Variants in MMP26 observed in about 807,000 individuals in gnomAD.
MMP26 encodes matrix metallopeptidase 26, also known as matrix metalloproteinase-26.
MMP26 carries 33 observed loss-of-function variants against 31.0 expected under a neutral mutation model. That is an observed-to-expected ratio of 1.06 (90% CI 0.81 to 1.42). The LOEUF (loss-of-function observed/expected upper bound fraction) is 1.42, where lower values mean the gene tolerates loss of function less well. MMP26 is among the 40% of genes most tolerant of loss of function. The pLI is 0.00. For missense variants in MMP26, 347 were observed against 316.1 expected, an observed-to-expected ratio of 1.10 and a Z score of -0.74; for synonymous variants, 122 against 114.9, an observed-to-expected ratio of 1.06 and a Z score of -0.40.
intron 2 of MMP26, among the ~76,000 whole-genome samples, chr11:4,784,049 A>G (rs781086480): frequency 1.6e-4 from 24 of 152,210 alleles, no homozygotes; most frequent in Non-Finnish European, 3.2e-4. Flanking sequence ...ATTGCTCACA[A>G]CTCTGAAGTG....
chr11:4,959,172 A>C (rs1260701593), intron 2 of MMP26, among the ~76,000 whole-genome samples: 2 of 137,032 alleles, frequency 1.5e-5, no homozygotes, highest in Non-Finnish European at 3.1e-5. Context: ...CGGGAGGCGG[A>C]GCTTGCAGTG....
rs1849216152 is a variant in MMP26, at chr11:4,803,662, G to T, written c.-145+36321G>T. 4 of 1,613,918 alleles carry T rather than the reference G, an allele frequency of 2.5e-6. No homozygotes were observed. In the African/African-American group the frequency reaches 4.0e-5, roughly 16 times the overall value. On this transcript the variant is annotated intron_variant, in intron 2 of 7. Transcript: ENST00000380390. ...GATATGGGAGGAACGTGTGCTAAAA[G>T]CTTTGAGGCGGGCTTCACCTGAGGG... is the stretch of plus-strand genomic sequence containing the variant.
intron 2 of MMP26, among the ~76,000 whole-genome samples, chr11:4,777,972 AGTG>A (rs1848810427): frequency 6.6e-6 from 1 of 152,048 alleles, no homozygotes; most frequent in South Asian, 2.1e-4. Context: ...TATACCTGAG[AGTG>A]GAATTGTTGG....
chr11:4,945,989 A>G (rs1192663891), intron 2 of MMP26: 3 of 663,094 alleles, frequency 4.5e-6, no homozygotes, highest in Non-Finnish European at 7.8e-6. Context: ...AAGGCAACGT[A>G]CTTCCTGTTT....
chr11:4,803,304 G>A, intron 2 of MMP26: 1 of 651,574 alleles, frequency 1.5e-6, no homozygotes, highest in Non-Finnish European at 2.6e-6. Flanking sequence ...CCTCTAGAGG[G>A]TTGCTTACCT....
At chr11:4,911,453 G>A (rs1040037802) in intron 2 of MMP26, among the ~76,000 whole-genome samples, 1 of 152,120 alleles carries the variant, frequency 6.6e-6, no homozygotes, top group African/African-American at 2.4e-5. Flanking sequence ...AAATTGATCA[G>A]TGAGTGTTGA....
At chr11:4,850,922 A>T (rs1166921026) in intron 2 of MMP26, among the ~76,000 whole-genome samples, 1 of 150,112 alleles carries the variant, frequency 6.7e-6, no homozygotes, top group East Asian at 2.0e-4. Context: ...TTTTTTAATA[A>T]AATATAACTT....
rs201446469 is a variant in MMP26 at position 4,974,377 on chromosome 11, AAT to A, written c.-144-13686_-144-13685del. On this transcript the variant is annotated intron_variant, in intron 2 of 7. Transcript: ENST00000380390. ...AACATTTACATAAAATTCAAAAAAA[AAT>A]ATATGTATATAGTGTCTTCGTTGTA... 7.9e-3 allele frequency among the ~76,000 whole-genome samples: 1,200 copies of A among 152,128 alleles called. 38 individuals carry two copies. Among genetic ancestry groups the A allele is most frequent in the East Asian group, 0.025 (128 of 5,180 alleles).
intron 2 of MMP26, among the ~76,000 whole-genome samples, chr11:4,883,942 A>G (rs1214585143): frequency 6.6e-5 from 10 of 151,852 alleles, no homozygotes; most frequent in Admixed American, 6.6e-4. Context: ...GATTTGAGCC[A>G]CCTCTCTCCT....
chr11:4,873,922 A>T (rs997711462), intron 2 of MMP26, among the ~76,000 whole-genome samples: 2 of 152,076 alleles, frequency 1.3e-5, no homozygotes, highest in Admixed American at 6.6e-5. Flanking sequence ...TTCTTTTCAA[A>T]TTTCCTAAAC....
rs574388676 is a variant in MMP26 at position 4,826,260 on chromosome 11, G to A, written c.-145+58919G>A. On this transcript the variant is annotated intron_variant, in intron 2 of 7. Transcript: ENST00000380390. Reference sequence around the variant, plus strand: ...GCTGTACCTGGGAGCTGGAAAGACTGTTCTTTCTAGGAGTATAATGCGTTT... The same window carrying A: ...GCTGTACCTGGGAGCTGGAAAGACTATTCTTTCTAGGAGTATAATGCGTTT... Among the ~76,000 whole-genome samples, 428 of 152,196 alleles carry A rather than the reference G, an allele frequency of 2.8e-3. 3 individuals carry two copies. Among genetic ancestry groups the A allele is most frequent in the African/African-American group, 0.01 (416 of 41,510 alleles).
At position 4,730,213 on chromosome 11, in the gene MMP26, A is replaced by G. The variant is rs374163303; in HGVS notation, c.-217+25168A>G. 1.2e-4 allele frequency among the ~76,000 whole-genome samples: 19 copies of G among 152,272 alleles called. No individual in the cohort carries two copies. In the East Asian group the frequency reaches 2.5e-3, roughly 20 times the overall value. On this transcript the variant is annotated intron_variant, in intron 1 of 7. Coordinates refer to ENST00000380390, the MANE Select transcript of MMP26 (RefSeq NM_021801.5). Reference sequence around the variant, plus strand: ...AGATATGGGACATACGAGGTGCCCCAGTGAAACCTCTGAGTTCCAGATATA... The same window carrying G: ...AGATATGGGACATACGAGGTGCCCCGGTGAAACCTCTGAGTTCCAGATATA...
chr11:4,923,995 T>C (rs1851228195), intron 2 of MMP26: 24 of 1,614,104 alleles, frequency 1.5e-5, no homozygotes, highest in Non-Finnish European at 2.0e-5. Context: ...ATAACAGAAC[T>C]GATGACTCCA....
In MMP26 at chr11:4,774,007, TA is replaced by T. The variant is rs1848760015; in HGVS notation, c.-145+6667del. Among the ~76,000 whole-genome samples the T allele has an allele frequency of 2.0e-5, 3 of 152,370 alleles. No individual in the cohort carries two copies. In the South Asian group the frequency reaches 6.2e-4, roughly 32 times the overall value. ...TAACTGCATAGTACTCCATGGTTTA[TA>T]TGTACCACATTTTCTTTATCCAGTC... On this transcript the variant is annotated intron_variant, in intron 2 of 7. Coordinates refer to ENST00000380390, the MANE Select transcript of MMP26 (RefSeq NM_021801.5).
intron 1 of MMP26, among the ~76,000 whole-genome samples, chr11:4,763,839 G>C (rs1848596734): frequency 6.6e-6 from 1 of 152,064 alleles, no homozygotes; most frequent in Non-Finnish European, 1.5e-5. Flanking sequence ...ATAATTATTA[G>C]TTATCTTAAA....
intron 2 of MMP26, chr11:4,804,484 A>G (rs761558249): frequency 4.6e-6 from 4 of 868,548 alleles, no homozygotes; most frequent in Non-Finnish European, 6.0e-6. Flanking sequence ...GGATGGGACT[A>G]TTGGATACCA....
At chr11:4,828,592 A>G (rs1849608123) in intron 2 of MMP26, among the ~76,000 whole-genome samples, 1 of 152,146 alleles carries the variant, frequency 6.6e-6, no homozygotes, top group Non-Finnish European at 1.5e-5. Flanking sequence ...TTATCAGAAA[A>G]GGTATTTTCC....
chr11:4,868,626 A>G lies in MMP26; in HGVS notation c.-145+101285A>G, dbSNP rs369099394. The stretch of plus-strand genomic sequence containing the variant: ...TTTGATAGGAAGAATCGATATCACG[A>G]AAATGGCCACACTGCCCAACGTAAT... On this transcript the variant is annotated intron_variant, in intron 2 of 7. Transcript: ENST00000380390. Among the ~76,000 whole-genome samples, 104 of 152,322 alleles carry G rather than the reference A, an allele frequency of 6.8e-4. 4 individuals are homozygous for G. In the South Asian group the frequency reaches 0.02, roughly 29 times the overall value.
intron 2 of MMP26, among the ~76,000 whole-genome samples, chr11:4,907,031 G>A (rs998766980): frequency 7.2e-6 from 1 of 139,056 alleles, no homozygotes; most frequent in Non-Finnish European, 1.5e-5. Flanking sequence ...GGGAGGTGGA[G>A]GTTGCAGCAA....
Sources: allele counts gnomAD v4.1 joint callset (sites outside exome capture counted in the v4.1 genomes callset), GRCh38; gene constraint gnomAD v4.1.1; transcripts MANE v1.5; gene names NCBI Gene and HGNC (gene_info 2026-07-23, HGNC 2026-07-21).